Variants in SH3RF3 observed in about 807,000 individuals in gnomAD.
SH3RF3 encodes the protein SH3 domain containing ring finger 3, also known as E3 ubiquitin-protein ligase SH3RF3.
SH3RF3 carries 29 observed loss-of-function variants against 66.3 expected under a neutral mutation model. That is an observed-to-expected ratio of 0.44 (90% CI 0.33 to 0.60). The LOEUF is 0.60. Among genes scored for constraint, SH3RF3 ranks in the 20% least tolerant of loss-of-function variants. The pLI, the probability that SH3RF3 is intolerant of heterozygous loss-of-function variation, is 0.04. For missense variants in SH3RF3, 1,194 were observed against 1,190.9 expected (o/e 1.00, Z -0.04); for synonymous variants, 583 against 532.0 (o/e 1.10, Z -1.32).
intron 8 of SH3RF3, among the ~76,000 whole-genome samples, chr2:109,463,328 T>C (rs1678256243): frequency 6.6e-6 from 1 of 152,258 alleles, no homozygotes; most frequent in Non-Finnish European, 1.5e-5. Context: ...TATTACCACC[T>C]GGTCGGCCTT....
chr2:109,460,278 A>C (rs975461845), intron 8 of SH3RF3, among the ~76,000 whole-genome samples: 1 of 152,136 alleles, frequency 6.6e-6, no homozygotes, highest in Non-Finnish European at 1.5e-5. Flanking sequence ...TATCCATTCC[A>C]GGAAGGACAA....
intron 1 of SH3RF3, among the ~76,000 whole-genome samples, chr2:109,224,523 A>ACAG (rs1437020808): frequency 1.3e-5 from 2 of 152,154 alleles, no homozygotes; most frequent in African/African-American, 4.8e-5. Flanking sequence ...GTGACTACTG[A>ACAG]GCTCATGAAT....
chr2:109,310,574 A>G, intron 1 of SH3RF3, among the ~76,000 whole-genome samples: 1 of 85,094 alleles, frequency 1.2e-5, no homozygotes. Flanking sequence ...GAAAGGATCA[A>G]CAAGATTGAT....
intron 8 of SH3RF3, among the ~76,000 whole-genome samples, chr2:109,473,898 T>G (rs1678602953): frequency 6.6e-6 from 1 of 152,144 alleles, no homozygotes; most frequent in African/African-American, 2.4e-5. Flanking sequence ...TGCCCCTTGA[T>G]CATCAGCAGT....
At chr2:109,180,394 G>A (rs543119177) in intron 1 of SH3RF3, among the ~76,000 whole-genome samples, 1 of 152,170 alleles carries the variant, frequency 6.6e-6, no homozygotes, top group East Asian at 1.9e-4. Context: ...CTTCACAGCA[G>A]GTACACAGAG....
intron 1 of SH3RF3, among the ~76,000 whole-genome samples, chr2:109,315,584 C>A (rs1201666877): frequency 6.6e-6 from 1 of 152,202 alleles, no homozygotes; most frequent in Non-Finnish European, 1.5e-5. Context: ...ACTGTCTGTG[C>A]AGAACTTTCA....
At chr2:109,401,347 G>A (rs1008495095) in intron 4 of SH3RF3, among the ~76,000 whole-genome samples, 3 of 152,238 alleles carry the variant, frequency 2.0e-5, no homozygotes, top group Admixed American at 1.3e-4. Flanking sequence ...CTGAGGAGCA[G>A]CGGCCTGGCC....
At chr2:109,236,351 C>T (rs148174798) in intron 1 of SH3RF3, among the ~76,000 whole-genome samples, 1 of 152,214 alleles carries the variant, frequency 6.6e-6, no homozygotes, top group East Asian at 1.9e-4. Flanking sequence ...CCAGAGTGTG[C>T]GAGCATCCCA....
At chr2:109,291,104 C>T (rs1201426809) in intron 1 of SH3RF3, among the ~76,000 whole-genome samples, 2 of 152,130 alleles carry the variant, frequency 1.3e-5, no homozygotes, top group Non-Finnish European at 2.9e-5. Flanking sequence ...GTGTCCAGAA[C>T]CAGTCACTTA....
intron 1 of SH3RF3, among the ~76,000 whole-genome samples, chr2:109,196,735 C>T (rs1481604010): frequency 3.9e-5 from 6 of 152,166 alleles, no homozygotes; most frequent in East Asian, 3.9e-4. Flanking sequence ...GAGGGAGCTG[C>T]ACCACATGCC....
At chr2:109,346,912 C>T (rs1457243369) in intron 1 of SH3RF3, among the ~76,000 whole-genome samples, 2 of 152,260 alleles carry the variant, frequency 1.3e-5, no homozygotes, top group African/African-American at 4.8e-5. Flanking sequence ...CAGCAGAAAG[C>T]TGTGTGTCAT....
In SH3RF3 at chr2:109,398,778, A is replaced by G; in HGVS notation, c.1134A>G (p.Lys378=). 1 of 1,613,664 alleles carries G rather than the reference A, an allele frequency of 6.2e-7. No individual in the cohort carries two copies. The change falls in exon 4 of 10, where the codon AAA becomes AAG. Residue 378 remains lysine (K), a synonymous_variant. Transcript: ENST00000309415. ...RRVDGKKNTK[K]RHSFTALSVT... Reference sequence around the variant, plus strand: ...TGGATGGCAAGAAGAACACCAAGAAACGCCACTCCTTCACCGCGCTCAGTG... The same window carrying G: ...TGGATGGCAAGAAGAACACCAAGAAGCGCCACTCCTTCACCGCGCTCAGTG...
chr2:109,286,955 G>A (rs906131434), intron 1 of SH3RF3, among the ~76,000 whole-genome samples: 2 of 152,194 alleles, frequency 1.3e-5, no homozygotes, highest in African/African-American at 2.4e-5. Flanking sequence ...TGCCCAGGTG[G>A]TTCCGCCATC....
chr2:109,491,341 C>G (rs1679126530), intron 9 of SH3RF3, among the ~76,000 whole-genome samples: 1 of 152,226 alleles, frequency 6.6e-6, no homozygotes, highest in South Asian at 2.1e-4. Context: ...CAGCTCTTCC[C>G]TCGCAAGCCT....
At chr2:109,340,163 G>T (rs1682527906) in intron 1 of SH3RF3, among the ~76,000 whole-genome samples, 1 of 152,180 alleles carries the variant, frequency 6.6e-6, no homozygotes, top group South Asian at 2.1e-4. Context: ...CAGTGCACAG[G>T]TTGGGAGGTC....
intron 2 of SH3RF3, among the ~76,000 whole-genome samples, chr2:109,349,719 C>A (rs941311705): frequency 6.6e-6 from 1 of 152,238 alleles, no homozygotes; most frequent in Non-Finnish European, 1.5e-5. Context: ...TCGGGAGAAC[C>A]CACTGTGAAC....
At chr2:109,137,198 AT>A (rs544918352) in intron 1 of SH3RF3, among the ~76,000 whole-genome samples, 174 of 152,270 alleles carry the variant, frequency 1.1e-3, no homozygotes, top group Non-Finnish European at 1.8e-3. Flanking sequence ...TATTGGTGTG[AT>A]TTGGGGCTTA....
chr2:109,412,667 C>T (rs865892919), intron 4 of SH3RF3, among the ~76,000 whole-genome samples: 18 of 152,202 alleles, frequency 1.2e-4, no homozygotes, highest in African/African-American at 2.4e-4. Flanking sequence ...ACGGGCTTAC[C>T]GTCAGCCAGA....
At chr2:109,335,919 C>G (rs539007046) in intron 1 of SH3RF3, among the ~76,000 whole-genome samples, 1 of 152,128 alleles carries the variant, frequency 6.6e-6, no homozygotes, top group East Asian at 1.9e-4. Flanking sequence ...TGAAGCAGCT[C>G]AACAAAAAAA....
Sources: gnomAD v4.1 joint callset for allele counts (sites outside exome capture counted in the v4.1 genomes callset) on GRCh38, gnomAD v4.1.1 for gene constraint, MANE v1.5 for transcripts, NCBI Gene and HGNC (gene_info 2026-07-23, HGNC 2026-07-21) for gene names.